The following NCKAP5 variants were observed in gnomAD, a reference collection of about 807,000 sequenced individuals.
NCKAP5 encodes the protein nck-associated protein 5.
In NCKAP5, 92 loss-of-function variants were observed where a neutral mutation model predicts 167.0. That is an observed-to-expected ratio of 0.55 (90% CI 0.47 to 0.66). The LOEUF is 0.66. Among genes scored for constraint, NCKAP5 ranks in the 30% least tolerant of loss-of-function variants. The pLI, the probability that NCKAP5 is intolerant of heterozygous loss-of-function variation, is 0.00. For synonymous variants in NCKAP5, 891 were observed against 877.4 expected (o/e 1.02, Z -0.27); for missense variants, 2,378 against 2,315.0 (o/e 1.03, Z -0.56).
intron 6 of NCKAP5, among the ~76,000 whole-genome samples, chr2:133,015,630 T>C (rs574810674): frequency 9.8e-5 from 15 of 152,338 alleles, no homozygotes; most frequent in Non-Finnish European, 2.1e-4. Flanking sequence ...GGACATTGTA[T>C]TTCCATCCAA....
chr2:133,358,341 G>T (rs1395445776), intron 3 of NCKAP5, among the ~76,000 whole-genome samples: 2 of 152,138 alleles, frequency 1.3e-5, no homozygotes, highest in African/African-American at 2.4e-5. Flanking sequence ...GAGTTTGGGA[G>T]GCCAAGGCAA....
intron 8 of NCKAP5, among the ~76,000 whole-genome samples, chr2:132,914,548 A>G (rs1694714623): frequency 6.6e-6 from 1 of 151,966 alleles, no homozygotes; most frequent in Non-Finnish European, 1.5e-5. Context: ...TACTACCTTT[A>G]AAATACAACT....
At chr2:133,655,069 A>G in the NCKAP5 span, among the ~76,000 whole-genome samples, 1 of 151,624 alleles carries the variant, frequency 6.6e-6, no homozygotes, top group African/African-American at 2.4e-5. Context: ...GAAAGAGGAA[A>G]TTAAAGGAAA....
chr2:133,663,335 TG>T, the NCKAP5 span, among the ~76,000 whole-genome samples: 1 of 151,166 alleles, frequency 6.6e-6, no homozygotes, highest in South Asian at 2.1e-4. Flanking sequence ...TTTTTGCTGG[TG>T]GAGCATCTTG....
intron 4 of NCKAP5, among the ~76,000 whole-genome samples, chr2:133,282,245 T>C (rs1468474338): frequency 6.6e-6 from 1 of 152,168 alleles, no homozygotes; most frequent in African/African-American, 2.4e-5. Flanking sequence ...TGATAAAGTA[T>C]TATTATTTCT....
chr2:133,656,416 C>T, the NCKAP5 span, among the ~76,000 whole-genome samples: 1 of 152,194 alleles, frequency 6.6e-6, no homozygotes, highest in African/African-American at 2.4e-5. Flanking sequence ...TAAGTATTAA[C>T]GGAATCCTGT....
intron 16 of NCKAP5, among the ~76,000 whole-genome samples, chr2:132,746,856 G>C (rs569332430): frequency 6.6e-6 from 1 of 152,190 alleles, no homozygotes; most frequent in Admixed American, 6.6e-5. Flanking sequence ...TATTAAGAGA[G>C]GCCAAACCCC....
At chr2:133,153,833 C>CTTT (rs570596198) in intron 5 of NCKAP5, among the ~76,000 whole-genome samples, 29,157 of 109,380 alleles carry the variant, frequency 0.27, 4,262 homozygotes, top group East Asian at 0.39. Context: ...GTTCCTCCTT[C>CTTT]TTTTTTTTTT....
intron 3 of NCKAP5, among the ~76,000 whole-genome samples, chr2:133,407,831 G>A (rs970199664): frequency 9.2e-5 from 14 of 152,170 alleles, no homozygotes; most frequent in Non-Finnish European, 1.9e-4. Context: ...ATATTTACGA[G>A]TGGGCTTGAT....
rs563403842 is a variant in NCKAP5 at position 133,384,418 on chromosome 2, C to A, written c.70-81308G>T. On this transcript the variant is annotated intron_variant, in intron 3 of 19. Transcript: ENST00000409261. Reference sequence around the variant, plus strand: ...TCTGTTCTGTTCCATTGGTCTATATCTCTGTTTTGGTACCAGTGCCATGCT... The same window carrying A: ...TCTGTTCTGTTCCATTGGTCTATATATCTGTTTTGGTACCAGTGCCATGCT... Among the ~76,000 whole-genome samples, 7 of 152,230 alleles carry A rather than the reference C, an allele frequency of 4.6e-5. No individual in the cohort carries two copies. In the East Asian group the frequency reaches 1.2e-3, roughly 25 times the overall value.
intron 8 of NCKAP5, chr2:132,954,719 T>A: frequency 2.2e-6 from 1 of 451,102 alleles, no homozygotes; most frequent in Non-Finnish European, 4.5e-6. Context: ...ACAAAAAGAC[T>A]AGAAATATAT....
chr2:132,968,216 T>G (rs571066918), intron 7 of NCKAP5, among the ~76,000 whole-genome samples: 1 of 151,826 alleles, frequency 6.6e-6, no homozygotes, highest in Non-Finnish European at 1.5e-5. Context: ...CGTAGGGGAG[T>G]GGTAGGTTCT....
intron 3 of NCKAP5, among the ~76,000 whole-genome samples, chr2:133,321,124 C>A (rs1682021241): frequency 1.3e-5 from 2 of 152,156 alleles, no homozygotes; most frequent in African/African-American, 4.8e-5. Flanking sequence ...CCCAGGTGGA[C>A]TGCTCAGGAA....
chr2:133,645,604 G>A, the NCKAP5 span, among the ~76,000 whole-genome samples: 914 of 152,230 alleles, frequency 6.0e-3, 12 homozygotes, highest in African/African-American at 0.021. Context: ...AAGTATGCAA[G>A]TCACCAGAAT....
At chr2:133,407,288 T>C (rs1424333479) in intron 3 of NCKAP5, among the ~76,000 whole-genome samples, 3 of 152,248 alleles carry the variant, frequency 2.0e-5, no homozygotes, top group Admixed American at 2.0e-4. Flanking sequence ...GTTGTTTTCC[T>C]TGAGGGCTTC....
intron 3 of NCKAP5, among the ~76,000 whole-genome samples, chr2:133,377,061 A>T (rs1195097263): frequency 6.6e-6 from 1 of 152,256 alleles, no homozygotes; most frequent in African/African-American, 2.4e-5. Context: ...GGAAACTAAC[A>T]TACAAAAAAA....
chr2:132,714,913 C>T (rs1487129902), intron 19 of NCKAP5: 1 of 455,996 alleles, frequency 2.2e-6, no homozygotes, highest in Admixed American at 2.4e-5. Context: ...AGCCAAAGGG[C>T]TCATGGCTTT....
At chr2:133,593,563 C>T in the NCKAP5 span, among the ~76,000 whole-genome samples, 5 of 151,756 alleles carry the variant, frequency 3.3e-5, no homozygotes, top group South Asian at 2.1e-4. Flanking sequence ...CTCTTTTTGC[C>T]GAAGGCTGGG....
chr2:132,827,230 G>T (rs1259158761), intron 11 of NCKAP5, among the ~76,000 whole-genome samples: 3 of 152,098 alleles, frequency 2.0e-5, no homozygotes, highest in African/African-American at 7.2e-5. Context: ...ATTTAAAAAA[G>T]AGCATTATTT....
Sources: gnomAD v4.1 joint callset for allele counts (sites outside exome capture counted in the v4.1 genomes callset) on GRCh38, gnomAD v4.1.1 for gene constraint, MANE v1.5 for transcripts, NCBI Gene and HGNC (gene_info 2026-07-23, HGNC 2026-07-21) for gene names.